Variants in MAP3K14 observed in about 807,000 individuals in gnomAD.
MAP3K14 encodes NF-kappa-beta-inducing kinase.
In MAP3K14, 16 loss-of-function variants were observed where a neutral mutation model predicts 99.2. The observed-to-expected ratio is 0.16, with a 90% CI of 0.11 to 0.24. The LOEUF (loss-of-function observed/expected upper bound fraction) is 0.24. Among genes scored for constraint, MAP3K14 ranks in the 10% least tolerant of loss-of-function variants. MAP3K14 has a pLI of 1.00. For synonymous variants in MAP3K14, 462 were observed against 492.4 expected (o/e 0.94, Z 0.82); for missense variants, 784 against 1,208.7 (o/e 0.65, Z 5.21).
intron 1 of MAP3K14, among the ~76,000 whole-genome samples, chr17:45,303,196 C>T (rs1483860642): frequency 6.6e-6 from 1 of 152,218 alleles, no homozygotes; most frequent in East Asian, 1.9e-4. Context: ...GTCTGGGAAA[C>T]CCAAGGGAGG....
chr17:45,289,129 T>A (rs1203928534), intron 3 of MAP3K14, 107 bp downstream of exon 3: 3 of 895,740 alleles, frequency 3.3e-6, no homozygotes, highest in Non-Finnish European at 5.3e-6. Flanking sequence ...CCACAGGTGC[T>A]GAGGGAGGGA....
rs1021143683 is a variant in MAP3K14, at chr17:45,267,273, C to T, written c.2327-75G>A. Reference sequence around the variant, plus strand: ...TGTGTTTTCAGGGGTTCTTCCTGCACAGTCGGTAGAAGCTGAGCTGCTGGG... The same window carrying T: ...TGTGTTTTCAGGGGTTCTTCCTGCATAGTCGGTAGAAGCTGAGCTGCTGGG... On this transcript the variant is annotated intron_variant, in intron 12 of 15. Coordinates refer to ENST00000344686, the MANE Select transcript of MAP3K14 (RefSeq NM_003954.5). This position sits in a 1 kb window ranked among gnomAD's most constrained non-coding sequence, Gnocchi z 5.1. 53 of 1,376,926 alleles carry T rather than the reference C, an allele frequency of 3.8e-5. No homozygotes were observed. The highest frequency in any genetic ancestry group is 5.2e-5 in the Non-Finnish European group (51 of 987,850). The allele number at this position is 1,376,926 out of a possible 1,614,324, so 85.3% of individuals were successfully genotyped here. A position where few individuals can be genotyped will look rare whatever the true frequency, so the allele number is the denominator to read the frequency against.
intron 1 of MAP3K14, among the ~76,000 whole-genome samples, chr17:45,313,162 T>A (rs2044497768): frequency 6.6e-6 from 1 of 152,044 alleles, no homozygotes; most frequent in African/African-American, 2.4e-5. Flanking sequence ...CCCCTAAAGG[T>A]CCTACTGAGA....
chr17:45,301,498 A>C (rs2044387617), intron 1 of MAP3K14, among the ~76,000 whole-genome samples: 1 of 152,190 alleles, frequency 6.6e-6, no homozygotes, highest in African/African-American at 2.4e-5. Flanking sequence ...TTTCTATAAC[A>C]GTAAAAAAAC....
At chr17:45,297,098 C>G (rs995350424) in intron 1 of MAP3K14, among the ~76,000 whole-genome samples, 3 of 152,172 alleles carry the variant, frequency 2.0e-5, no homozygotes, top group Admixed American at 6.5e-5. Flanking sequence ...GGTACATTAC[C>G]TACAGGAATA....
At chr17:45,292,259 T>C (rs1385811216) in intron 1 of MAP3K14, among the ~76,000 whole-genome samples, 1 of 152,162 alleles carries the variant, frequency 6.6e-6, no homozygotes. Flanking sequence ...CACTGTTACC[T>C]GAGGATCTTA....
intron 2 of MAP3K14, 47 bp from the exon 3 acceptor site, chr17:45,289,352 T>G (rs553808554): frequency 6.7e-7 from 1 of 1,496,228 alleles, no homozygotes; most frequent in South Asian, 1.1e-5. Context: ...AAAATAGGAA[T>G]TTAGCACTTA....
Position 45,286,365 on chromosome 17 carries a change from AAG to A in MAP3K14, c.1152+64_1152+65del. The stretch of plus-strand genomic sequence containing the variant: ...ACCACAGGCAAGAGTGACTCTGATA[AAG>A]AGAGAAAAGCATCCCCCAGGTTGCT... On this transcript the variant is annotated intron_variant, in intron 5 of 15. Transcript: ENST00000344686. This position sits in a 1 kb window ranked among gnomAD's most constrained non-coding sequence, Gnocchi z 4.1. The A allele has an allele frequency of 1.4e-6, 2 of 1,476,904 alleles. No individual in the cohort carries two copies. The highest frequency in any genetic ancestry group is 1.8e-6 in the Non-Finnish European group (2 of 1,109,030). 91.5% of individuals were successfully genotyped at this position (1,476,904 alleles called of 1,614,324 possible). A position where few individuals can be genotyped will look rare whatever the true frequency, so the allele number is the denominator to read the frequency against.
At chr17:45,269,564 T>C (rs1050517080) in intron 11 of MAP3K14, among the ~76,000 whole-genome samples, 2 of 152,154 alleles carry the variant, frequency 1.3e-5, no homozygotes, top group Non-Finnish European at 2.9e-5. Flanking sequence ...GTTGGGACTT[T>C]CATCCCACCA....
chr17:45,306,980 G>A (rs770572144), intron 1 of MAP3K14, among the ~76,000 whole-genome samples: 3 of 152,140 alleles, frequency 2.0e-5, no homozygotes, highest in South Asian at 2.1e-4. Flanking sequence ...TTTTCAGGCC[G>A]GGAGTGGTGG....
intron 15 of MAP3K14, 88 bp downstream of exon 15, chr17:45,265,075 C>T: frequency 8.8e-7 from 1 of 1,137,498 alleles, no homozygotes; most frequent in Non-Finnish European, 1.3e-6. Context: ...TGCCATTCTA[C>T]TTCTTTGAAA....
At chr17:45,265,101 G>T in intron 15 of MAP3K14, 62 bp downstream of exon 15, 1 of 1,320,266 alleles carries the variant, frequency 7.6e-7, no homozygotes, top group Non-Finnish European at 1.1e-6. Flanking sequence ...CCTCCTGGAG[G>T]GTGGGGCCAG....
intron 1 of MAP3K14, among the ~76,000 whole-genome samples, chr17:45,304,010 CTTTTTTTTTT>C (rs1026894731): frequency 1.0e-4 from 13 of 127,738 alleles, no homozygotes; most frequent in South Asian, 4.9e-4. Flanking sequence ...CTTTTCTTTT[CTTTTTTTTTT>C]TTTTTTTTTT....
intron 1 of MAP3K14, among the ~76,000 whole-genome samples, chr17:45,308,067 A>C (rs1020457070): frequency 3.3e-5 from 5 of 152,250 alleles, no homozygotes; most frequent in Non-Finnish European, 5.9e-5. Flanking sequence ...GACATGGGGC[A>C]TGATGAGGAA....
At chr17:45,274,368 CAATG>C in intron 7 of MAP3K14, 92 bp downstream of exon 7, 1 of 1,581,598 alleles carries the variant, frequency 6.3e-7, no homozygotes. Context: ...AAGAGGTTAA[CAATG>C]GATAGATCAG....
chr17:45,308,896 G>C (rs1468431731), intron 1 of MAP3K14, among the ~76,000 whole-genome samples: 1 of 152,062 alleles, frequency 6.6e-6, no homozygotes, highest in African/African-American at 2.4e-5. Context: ...TGACCTCCTG[G>C]CCTCAAGTGG....
rs922110626 is a variant in MAP3K14 at position 45,312,902 on chromosome 17, C to G, written c.-21+4058G>C. On this transcript the variant is annotated intron_variant, in intron 1 of 15. Coordinates refer to ENST00000344686, the MANE Select transcript of MAP3K14 (RefSeq NM_003954.5). ...CTCCTGTTCCCCCAAAGAACAAGTC[C>G]TTGCTGATCTACATGCCATACAGTA... 2.0e-5 allele frequency among the ~76,000 whole-genome samples: 3 copies of G among 152,194 alleles called. No individual in the cohort carries two copies. In the South Asian group the frequency reaches 6.2e-4, roughly 32 times the overall value.
chr17:45,279,159 C>T (rs1057244020), intron 6 of MAP3K14, among the ~76,000 whole-genome samples: 6 of 152,124 alleles, frequency 3.9e-5, no homozygotes, highest in South Asian at 2.1e-4. Context: ...AACGGAGTTT[C>T]GCTCTTGTTG....
chr17:45,273,644 AG>A (rs2044156865), intron 8 of MAP3K14, 37 bp from the exon 9 acceptor site: 2 of 1,532,480 alleles, frequency 1.3e-6, no homozygotes, highest in East Asian at 4.6e-5. Context: ...GGAACAGGTG[AG>A]TCATGCCGGG....
Sources: allele counts gnomAD v4.1 joint callset (sites outside exome capture counted in the v4.1 genomes callset), GRCh38; gene constraint gnomAD v4.1.1; non-coding constraint Gnocchi (gnomAD v3.1); transcripts MANE v1.5; gene names NCBI Gene and HGNC (gene_info 2026-07-23, HGNC 2026-07-21).